The following NCKAP1L variants were observed in gnomAD, a reference collection of about 807,000 sequenced individuals.
NCKAP1L encodes NCK associated protein 1 like.
In NCKAP1L, 53 loss-of-function variants were observed where a neutral mutation model predicts 139.2. That is an observed-to-expected ratio of 0.38 (90% CI 0.31 to 0.48). The LOEUF (loss-of-function observed/expected upper bound fraction) is 0.48. Among genes scored for constraint, NCKAP1L ranks in the 20% least tolerant of loss-of-function variants. The probability of loss-of-function intolerance (pLI) is 0.98; values close to 1 mark genes in which losing one functional copy is unlikely to be tolerated. For synonymous variants in NCKAP1L, 468 were observed against 499.7 expected (o/e 0.94, Z 0.85); for missense variants, 1,151 against 1,381.9 (o/e 0.83, Z 2.65).
intron 29 of NCKAP1L, 122 bp from the exon 30 acceptor site, chr12:54,538,762 G>C: frequency 1.4e-6 from 1 of 738,550 alleles, no homozygotes; most frequent in South Asian, 1.7e-5. Context: ...CCCACCCTGA[G>C]TCTTCAGGAA....
intron 27 of NCKAP1L, among the ~76,000 whole-genome samples, chr12:54,535,411 G>T (rs1321254627): frequency 1.3e-5 from 2 of 152,176 alleles, no homozygotes; most frequent in African/African-American, 4.8e-5. Flanking sequence ...ACATCCTCAG[G>T]TTCCAACTAG....
chr12:54,526,866 G>C, intron 21 of NCKAP1L, 120 bp downstream of exon 21: 1 of 768,430 alleles, frequency 1.3e-6, no homozygotes, highest in Non-Finnish European at 2.2e-6. Flanking sequence ...AAAATGGAGG[G>C]TTGCTTCTCC....
intron 3 of NCKAP1L, among the ~76,000 whole-genome samples, chr12:54,506,792 A>T (rs1391869244): frequency 1.0e-3 from 24 of 23,156 alleles, no homozygotes; most frequent in African/African-American, 7.2e-3. Context: ...TATTAAAAAA[A>T]AAAAATATAT....
At chr12:54,516,656 T>G (rs1956934437) in intron 10 of NCKAP1L, among the ~76,000 whole-genome samples, 1 of 152,040 alleles carries the variant, frequency 6.6e-6, no homozygotes, top group South Asian at 2.1e-4. Context: ...ATGTTGGCCA[T>G]GCTGGTCTTG....
intron 30 of NCKAP1L, among the ~76,000 whole-genome samples, chr12:54,541,602 T>C (rs1162360773): frequency 6.6e-6 from 1 of 152,210 alleles, no homozygotes; most frequent in East Asian, 1.9e-4. Flanking sequence ...TTGCAGCTGT[T>C]GTGTGTGCAT....
At chr12:54,524,421 C>G (rs1957011000) in intron 20 of NCKAP1L, among the ~76,000 whole-genome samples, 1 of 152,158 alleles carries the variant, frequency 6.6e-6, no homozygotes, top group East Asian at 1.9e-4. Context: ...AAGCTCCTGA[C>G]ATATGTTAGG....
In NCKAP1L at chr12:54,528,306, T is replaced by C; in HGVS notation, c.2435T>C (p.Met812Thr). 2 of 1,614,020 alleles carry C rather than the reference T, an allele frequency of 1.2e-6. No individual in the cohort carries two copies. Among genetic ancestry groups the C allele is most frequent in the Non-Finnish European group, 1.7e-6 (2 of 1,179,936 alleles). The stretch of plus-strand genomic sequence containing the variant: ...GGGACCATCATCCTCTCCCCAGCCA[T>C]GCAGGCCTTCGTCAGCCTGCCCAGA... ...SSGTIILSPAMQAFVSLPREG... is the reference protein window; with the variant it reads ...SSGTIILSPATQAFVSLPREG... Residue 812 changes from methionine to threonine, a missense_variant, in exon 22 of 31, where the codon ATG (methionine) becomes ACG (threonine). Coordinates refer to ENST00000293373, the MANE Select transcript of NCKAP1L (RefSeq NM_005337.5).
At chr12:54,527,094 T>C (rs1957032651) in intron 21 of NCKAP1L, among the ~76,000 whole-genome samples, 2 of 152,206 alleles carry the variant, frequency 1.3e-5, no homozygotes, top group Non-Finnish European at 2.9e-5. Flanking sequence ...ATTTCTCTTT[T>C]TGCCCTTACT....
rs928216297 is a variant in NCKAP1L at position 54,519,174 on chromosome 12, A to G, written c.1480-13A>G. The G allele has an allele frequency of 6.4e-7, 1 of 1,552,776 alleles. No individual in the cohort carries two copies. Among genetic ancestry groups the G allele is most frequent in the Non-Finnish European group, 8.7e-7 (1 of 1,155,794 alleles). On this transcript the variant is annotated splice_polypyrimidine_tract_variant and intron_variant, in intron 15 of 30. Transcript: ENST00000293373. ...TCTTATTTTTCTCCACACTTTCCCAACTCCAACCGCAGGCATACACTAGCG... is the reference window on the plus strand; with the variant it reads ...TCTTATTTTTCTCCACACTTTCCCAGCTCCAACCGCAGGCATACACTAGCG...
chr12:54,518,982 T>G lies in NCKAP1L; in HGVS notation c.1479+10T>G. ...CTGGTTCCGCCTACAGGTAATGATC[T>G]GTTCCTGTTAAAGATTCTCATCCTC... On this transcript the variant is annotated intron_variant, in intron 15 of 30. Coordinates refer to ENST00000293373, the MANE Select transcript of NCKAP1L (RefSeq NM_005337.5). 1.2e-6 allele frequency: 2 copies of G among 1,609,750 alleles called. No individual in the cohort carries two copies. Among genetic ancestry groups the G allele is most frequent in the Non-Finnish European group, 1.7e-6 (2 of 1,176,016 alleles).
intron 5 of NCKAP1L, among the ~76,000 whole-genome samples, chr12:54,508,771 G>A (rs1010325558): frequency 9.2e-5 from 14 of 152,180 alleles, no homozygotes; most frequent in African/African-American, 3.4e-4. Flanking sequence ...GATTGAAAAT[G>A]TAGTGTTCAT....
chr12:54,531,194 T>C, intron 22 of NCKAP1L, 66 bp from the exon 23 acceptor site: 2 of 1,183,220 alleles, frequency 1.7e-6, no homozygotes, highest in South Asian at 1.3e-5. Flanking sequence ...AATTACCCTA[T>C]AGCTGTTGTA....
rs1956979864 is a variant in NCKAP1L at position 54,521,146 on chromosome 12, C to T, written c.1786C>T (p.His596Tyr). 6.2e-7 allele frequency: 1 copy of T among 1,613,950 alleles called. No individual in the cohort carries two copies. Among genetic ancestry groups the T allele is most frequent in the Non-Finnish European group, 8.5e-7 (1 of 1,180,016 alleles). ...CCCCCACCTCAAGAACCATGGTCTT[C>T]ACCACTGCAACTCCTTCCTGGAAGA... The part of the protein sequence containing the change: ...EYPHLKNHGL[H>Y]HCNSFLEELA... Residue 596 changes from histidine (H) to tyrosine (Y), a missense_variant, in exon 18 of 31, where the codon CAC becomes TAC. By Grantham distance (83) the His-to-Tyr change is moderately conservative (BLOSUM62 2). Coordinates refer to ENST00000293373, the MANE Select transcript of NCKAP1L (RefSeq NM_005337.5).
chr12:54,518,052 CA>C, intron 13 of NCKAP1L, 114 bp downstream of exon 13: 1 of 1,310,170 alleles, frequency 7.6e-7, no homozygotes, highest in Non-Finnish European at 1.1e-6. Context: ...TCAAAAGGTC[CA>C]ATCTAGGCTG....
At chr12:54,498,537 G>C (rs888003083) in intron 1 of NCKAP1L, among the ~76,000 whole-genome samples, 2 of 151,914 alleles carry the variant, frequency 1.3e-5, no homozygotes, top group Admixed American at 6.6e-5. Context: ...GGTGTTTATG[G>C]GGAGTTCCTG....
At chr12:54,520,983 G>A (rs1956978340) in intron 17 of NCKAP1L, 136 bp from the exon 18 acceptor site, 16 of 1,489,786 alleles carry the variant, frequency 1.1e-5, no homozygotes, top group Non-Finnish European at 1.4e-5. Flanking sequence ...TCCTGTCTCT[G>A]GGCCTCAGTT....
intron 26 of NCKAP1L, 49 bp from the exon 27 acceptor site, chr12:54,535,055 C>G (rs1345750970): frequency 2.2e-5 from 32 of 1,485,094 alleles, no homozygotes; most frequent in Non-Finnish European, 2.9e-5. Context: ...TTCTGTCAAG[C>G]CATTGTGTCC....
At chr12:54,520,128 G>A (rs186726168) in intron 16 of NCKAP1L, among the ~76,000 whole-genome samples, 5 of 152,164 alleles carry the variant, frequency 3.3e-5, no homozygotes, top group African/African-American at 1.2e-4. Flanking sequence ...AAAACACAAT[G>A]TGTTGTCTCT....
At position 54,542,710 on chromosome 12, in the gene NCKAP1L, G is replaced by A. The variant is rs372616170; in HGVS notation, c.*25G>A. The A allele has an allele frequency of 6.7e-7, 1 of 1,481,596 alleles. No homozygotes were observed. Among genetic ancestry groups the A allele is most frequent in the African/African-American group, 1.4e-5 (1 of 72,016 alleles). 91.8% of individuals were successfully genotyped at this position (1,481,596 alleles called of 1,614,324 possible). ...AATGCCTGCCAGTACCCACTGAAGA[G>A]CCCTTTGGACCTTCCTAAACCCTTG... On this transcript the variant is annotated 3_prime_UTR_variant, in exon 31 of 31. Coordinates refer to ENST00000293373, the MANE Select transcript of NCKAP1L (RefSeq NM_005337.5).
Sources: allele counts gnomAD v4.1 joint callset (sites outside exome capture counted in the v4.1 genomes callset), GRCh38; gene constraint gnomAD v4.1.1; transcripts MANE v1.5; gene names NCBI Gene and HGNC (gene_info 2026-07-23, HGNC 2026-07-21).